GXYLT2: variants seen among roughly 807,000 people sequenced by gnomAD.
GXYLT2 encodes glycosyltransferase 8 domain containing 4.
A neutral mutation model predicts 45.8 loss-of-function variants in GXYLT2; 53 were observed. That is an observed-to-expected ratio of 1.16 (90% CI 0.93 to 1.46). The LOEUF (loss-of-function observed/expected upper bound fraction) is 1.46. Among genes scored for constraint, GXYLT2 ranks in the 40% most tolerant of loss-of-function variants. The pLI is 0.00. For missense variants in GXYLT2, 551 were observed against 544.4 expected, an observed-to-expected ratio of 1.01 and a Z score of -0.12; for synonymous variants, 219 against 214.2, an observed-to-expected ratio of 1.02 and a Z score of -0.19.
chr3:72,906,361 T>G (rs558867263), intron 1 of GXYLT2, among the ~76,000 whole-genome samples: 2 of 152,174 alleles, frequency 1.3e-5, no homozygotes, highest in Non-Finnish European at 2.9e-5. Context: ...GCAGGTCATT[T>G]GCAGAGCTCA....
At chr3:72,908,768 C>CA (rs2107080724) in intron 2 of GXYLT2, among the ~76,000 whole-genome samples, 1 of 152,324 alleles carries the variant, frequency 6.6e-6, no homozygotes, top group East Asian at 1.9e-4. Context: ...ACGAGGGTCT[C>CA]ACTCTATTGC....
intron 3 of GXYLT2, among the ~76,000 whole-genome samples, chr3:72,938,645 A>G (rs571770440): frequency 1.3e-5 from 2 of 152,310 alleles, no homozygotes; most frequent in African/African-American, 4.8e-5. Flanking sequence ...ACACCTGATA[A>G]GAGGAGGAAG....
chr3:72,930,773 T>C (rs1293448288), intron 3 of GXYLT2, among the ~76,000 whole-genome samples: 2 of 151,766 alleles, frequency 1.3e-5, no homozygotes. Context: ...TTCATACTTT[T>C]TGTAGAGATG....
chr3:72,946,591 C>T (rs1010608877), intron 3 of GXYLT2, among the ~76,000 whole-genome samples: 2 of 152,108 alleles, frequency 1.3e-5, no homozygotes, highest in Non-Finnish European at 2.9e-5. Context: ...GCCTTCTCAC[C>T]GTGTCCTCCT....
chr3:72,925,105 C>T (rs560650458), intron 3 of GXYLT2, among the ~76,000 whole-genome samples: 22 of 151,956 alleles, frequency 1.4e-4, no homozygotes, highest in Non-Finnish European at 2.1e-4. Context: ...TTGTTGGCAG[C>T]GATCAGCTGC....
chr3:72,933,762 G>A (rs1710122306), intron 3 of GXYLT2, among the ~76,000 whole-genome samples: 1 of 152,122 alleles, frequency 6.6e-6, no homozygotes, highest in South Asian at 2.1e-4. Flanking sequence ...TTAACCGGGT[G>A]TGGTGGCACA....
In GXYLT2 at chr3:72,976,108, T is replaced by G. The variant is rs575285679; in HGVS notation, c.*949T>G. The G allele has an allele frequency of 6.6e-6, 1 of 151,748 alleles. No homozygotes were observed. Among genetic ancestry groups the G allele is most frequent in the African/African-American group, 2.4e-5 (1 of 41,272 alleles). 9.4% of individuals were successfully genotyped at this position (151,748 alleles called of 1,614,324 possible). On this transcript the variant is annotated 3_prime_UTR_variant, in exon 7 of 7. Coordinates refer to ENST00000389617, the MANE Select transcript of GXYLT2 (RefSeq NM_001080393.2). Reference sequence around the variant, plus strand: ...CACCACACCCGGCTAATTTTTGTATTTTTAGTAGAGACACGGTTTTACCAT... The same window carrying G: ...CACCACACCCGGCTAATTTTTGTATGTTTAGTAGAGACACGGTTTTACCAT...
intron 1 of GXYLT2, among the ~76,000 whole-genome samples, chr3:72,896,529 C>A (rs1472939170): frequency 6.6e-6 from 1 of 152,144 alleles, no homozygotes; most frequent in East Asian, 1.9e-4. Context: ...ATACACCAAT[C>A]TCAGTCTCCT....
At chr3:72,948,835 CA>C (rs1234193329) in intron 3 of GXYLT2, among the ~76,000 whole-genome samples, 8,560 of 74,958 alleles carry the variant, frequency 0.11, 455 homozygotes, top group African/African-American at 0.28. Context: ...GATTCTGTCT[CA>C]AAAAAAAAAA....
At chr3:72,971,818 G>A (rs896793981) in intron 6 of GXYLT2, among the ~76,000 whole-genome samples, 4 of 148,688 alleles carry the variant, frequency 2.7e-5, no homozygotes, top group Non-Finnish European at 4.5e-5. Flanking sequence ...GCGTGGTGGC[G>A]CATGCCTGTA....
intron 3 of GXYLT2, among the ~76,000 whole-genome samples, chr3:72,950,000 G>T (rs1710489117): frequency 6.6e-6 from 1 of 151,856 alleles, no homozygotes; most frequent in Admixed American, 6.6e-5. Context: ...ATTATGAAAT[G>T]GGTTATCAAT....
chr3:72,959,627 G>A (rs1247273115), intron 5 of GXYLT2, among the ~76,000 whole-genome samples: 2 of 151,540 alleles, frequency 1.3e-5, no homozygotes, highest in African/African-American at 4.8e-5. Context: ...TTTCTTCTTA[G>A]GTAGGTTTCA....
At chr3:72,916,311 T>C (rs370860884) in intron 2 of GXYLT2, among the ~76,000 whole-genome samples, 1 of 146,388 alleles carries the variant, frequency 6.8e-6, no homozygotes, top group Non-Finnish European at 1.5e-5. Flanking sequence ...AAACAAACTT[T>C]AGGAAAAAAA....
intron 3 of GXYLT2, among the ~76,000 whole-genome samples, chr3:72,951,906 A>G (rs1179841391): frequency 1.3e-5 from 2 of 151,780 alleles, no homozygotes; most frequent in Non-Finnish European, 2.9e-5. Flanking sequence ...CAGTGGCACA[A>G]TCTCAGCTCA....
intron 3 of GXYLT2, among the ~76,000 whole-genome samples, chr3:72,928,838 A>T (rs1054090505): frequency 2.6e-5 from 4 of 152,072 alleles, no homozygotes; most frequent in African/African-American, 9.7e-5. Context: ...GAAAATATTC[A>T]CTTTGCCAGA....
At chr3:72,938,937 G>C (rs1425519119) in intron 3 of GXYLT2, among the ~76,000 whole-genome samples, 1 of 152,228 alleles carries the variant, frequency 6.6e-6, no homozygotes, top group Non-Finnish European at 1.5e-5. Context: ...CTGATCAGAA[G>C]AGGCTACTTC....
At chr3:72,910,586 TCC>T (rs1709596889) in intron 2 of GXYLT2, among the ~76,000 whole-genome samples, 1 of 152,196 alleles carries the variant, frequency 6.6e-6, no homozygotes, top group Non-Finnish European at 1.5e-5. Context: ...GCAGCTTGCT[TCC>T]CAGGGGACAG....
intron 6 of GXYLT2, among the ~76,000 whole-genome samples, chr3:72,972,866 G>A (rs916182676): frequency 1.6e-4 from 25 of 152,012 alleles, no homozygotes; most frequent in Admixed American, 6.6e-4. Context: ...GAGCTTAGGA[G>A]GCCAAGGCTA....
rs920554137 is a variant in GXYLT2 at position 72,922,208 on chromosome 3, G to T, written c.473G>T (p.Arg158Leu). 1.2e-6 allele frequency: 2 copies of T among 1,611,290 alleles called. No individual in the cohort carries two copies. Among genetic ancestry groups the T allele is most frequent in the Non-Finnish European group, 1.7e-6 (2 of 1,178,900 alleles). Residue 158 changes from arginine (R) to leucine (L), a missense_variant, in exon 3 of 7, where the codon CGC becomes CTC. Arg to Leu is a moderately radical substitution (Grantham distance 102). Transcript: ENST00000389617. ...CTTGCTTCCCATGTTTTTCAGTTAC[G>T]CCAGTGGCCTGACTCATATACAAAG... The part of the protein sequence containing the change: ...SLKPEFDKQL[R>L]QWPDSYTKKF...
Sources: allele counts gnomAD v4.1 joint callset (sites outside exome capture counted in the v4.1 genomes callset), GRCh38; gene constraint gnomAD v4.1.1; transcripts MANE v1.5; gene names NCBI Gene and HGNC (gene_info 2026-07-23, HGNC 2026-07-21).